Variants in SGCZ observed in about 807,000 individuals in gnomAD.
SGCZ encodes the protein zeta-sarcoglycan.
Under a neutral mutation model 41.3 loss-of-function variants are expected in SGCZ, and 40 were observed. The ratio of observed to expected loss-of-function variants is 0.97; its 90% CI spans 0.75 to 1.26. SGCZ has a LOEUF of 1.26. SGCZ is among the 50% of genes most tolerant of loss of function. The probability of loss-of-function intolerance (pLI) is 0.00; values close to 1 mark genes in which losing one functional copy is unlikely to be tolerated. For synonymous variants in SGCZ, 206 were observed against 137.5 expected, an observed-to-expected ratio of 1.50 and a Z score of -3.49; for missense variants, 552 against 369.8, an observed-to-expected ratio of 1.49 and a Z score of -4.04.
chr8:15,121,559 T>C (rs1807478848), intron 1 of SGCZ, among the ~76,000 whole-genome samples: 1 of 152,176 alleles, frequency 6.6e-6, no homozygotes, highest in African/African-American at 2.4e-5. Context: ...AAGACATAAG[T>C]GCATGAAAGA....
chr8:14,375,933 G>C (rs1036902092), intron 2 of SGCZ, among the ~76,000 whole-genome samples: 20 of 152,314 alleles, frequency 1.3e-4, no homozygotes, highest in African/African-American at 4.1e-4. Flanking sequence ...GCTGGTCCCT[G>C]AAAAATTTAA....
chr8:14,395,560 A>G (rs1173658215), intron 2 of SGCZ, among the ~76,000 whole-genome samples: 1 of 152,190 alleles, frequency 6.6e-6, no homozygotes, highest in Admixed American at 6.5e-5. Flanking sequence ...TCTAAACAAG[A>G]AAGAAAGATA....
intron 2 of SGCZ, among the ~76,000 whole-genome samples, chr8:14,479,125 C>G (rs1801447883): frequency 6.6e-6 from 1 of 152,110 alleles, no homozygotes; most frequent in South Asian, 2.1e-4. Context: ...CCACGATAGG[C>G]CATCAGCAAG....
At chr8:14,656,153 G>C (rs1040607252) in intron 1 of SGCZ, among the ~76,000 whole-genome samples, 1 of 152,032 alleles carries the variant, frequency 6.6e-6, no homozygotes, top group African/African-American at 2.4e-5. Context: ...GTATCAAACT[G>C]TTTATCCAAA....
chr8:14,716,203 A>AAGTGTCAT (rs1809685027), intron 1 of SGCZ, among the ~76,000 whole-genome samples: 1 of 145,548 alleles, frequency 6.9e-6, no homozygotes, highest in African/African-American at 2.6e-5. Flanking sequence ...ACAACAGAAT[A>AAGTGTCAT]AGTGTCATAG....
chr8:14,485,182 A>G (rs1159302183), intron 2 of SGCZ, among the ~76,000 whole-genome samples: 7 of 152,174 alleles, frequency 4.6e-5, no homozygotes, highest in Non-Finnish European at 1.0e-4. Context: ...ATGATGATCC[A>G]ACTAAAAACT....
At chr8:14,954,105 T>C (rs1800724831) in intron 1 of SGCZ, among the ~76,000 whole-genome samples, 2 of 152,188 alleles carry the variant, frequency 1.3e-5, no homozygotes, top group African/African-American at 4.8e-5. Flanking sequence ...TTCAAAACAA[T>C]AACTTCATTC....
chr8:14,505,119 A>G (rs2117060873), intron 2 of SGCZ, among the ~76,000 whole-genome samples: 1 of 152,268 alleles, frequency 6.6e-6, no homozygotes, highest in African/African-American at 2.4e-5. Context: ...ACCACACTCC[A>G]GCCTGGGTGT....
At chr8:14,434,431 T>A (rs1199020662) in intron 2 of SGCZ, among the ~76,000 whole-genome samples, 1 of 152,318 alleles carries the variant, frequency 6.6e-6, no homozygotes, top group East Asian at 1.9e-4. Context: ...TTTTGTTTAG[T>A]CTTGCTTAGA....
At chr8:14,576,395 G>A (rs2117244668) in intron 1 of SGCZ, among the ~76,000 whole-genome samples, 1 of 152,278 alleles carries the variant, frequency 6.6e-6, no homozygotes, top group East Asian at 1.9e-4. Flanking sequence ...GAAATGGGGG[G>A]ACCCAGGTTC....
At chr8:14,744,775 C>T (rs1297811373) in intron 1 of SGCZ, among the ~76,000 whole-genome samples, 1 of 152,132 alleles carries the variant, frequency 6.6e-6, no homozygotes, top group African/African-American at 2.4e-5. Flanking sequence ...TTCAGTCATT[C>T]ATTTATTCAT....
At chr8:15,116,771 C>T (rs1807285082) in intron 1 of SGCZ, among the ~76,000 whole-genome samples, 1 of 152,208 alleles carries the variant, frequency 6.6e-6, no homozygotes, top group South Asian at 2.1e-4. Flanking sequence ...TTCTCTCTTT[C>T]CTAACATGTC....
intron 1 of SGCZ, among the ~76,000 whole-genome samples, chr8:14,877,232 A>C (rs1245880637): frequency 1.3e-5 from 2 of 152,152 alleles, no homozygotes; most frequent in Non-Finnish European, 2.9e-5. Flanking sequence ...TTAGCCTCTC[A>C]AAGTGCTGGG....
intron 1 of SGCZ, among the ~76,000 whole-genome samples, chr8:15,168,464 C>T (rs938490524): frequency 6.6e-6 from 1 of 152,182 alleles, no homozygotes; most frequent in Non-Finnish European, 1.5e-5. Flanking sequence ...CTCTAGCTCC[C>T]CCCACAACCC....
chr8:14,317,559 G>T (rs1801759583), intron 3 of SGCZ, among the ~76,000 whole-genome samples: 1 of 151,670 alleles, frequency 6.6e-6, no homozygotes, highest in South Asian at 2.1e-4. Flanking sequence ...TGACAAAACG[G>T]AATTGAAAAT....
chr8:14,287,620 T>C, intron 3 of SGCZ, among the ~76,000 whole-genome samples: 1 of 152,152 alleles, frequency 6.6e-6, no homozygotes, highest in East Asian at 1.9e-4. Context: ...ACTAATGAGA[T>C]AAGAACTCTT....
chr8:14,780,869 C>T (rs1422988699), intron 1 of SGCZ, among the ~76,000 whole-genome samples: 2 of 151,972 alleles, frequency 1.3e-5, no homozygotes, highest in African/African-American at 4.8e-5. Context: ...CTACAGCACA[C>T]TTGGAAAAAG....
intron 3 of SGCZ, among the ~76,000 whole-genome samples, chr8:14,315,617 G>T (rs144476679): frequency 6.6e-6 from 1 of 151,910 alleles, no homozygotes; most frequent in African/African-American, 2.4e-5. Context: ...AAAAGTCAGA[G>T]GATATTATTA....
intron 4 of SGCZ, among the ~76,000 whole-genome samples, chr8:14,199,118 C>A (rs1805372697): frequency 2.0e-5 from 3 of 152,166 alleles, no homozygotes; most frequent in Admixed American, 1.3e-4. Flanking sequence ...CGGAACAGAG[C>A]CATATTTCTC....
Sources: gnomAD v4.1 joint callset for allele counts (sites outside exome capture counted in the v4.1 genomes callset) on GRCh38, gnomAD v4.1.1 for gene constraint, MANE v1.5 for transcripts, NCBI Gene and HGNC (gene_info 2026-07-23, HGNC 2026-07-21) for gene names.